CDH13: variants seen among roughly 807,000 people sequenced by gnomAD.
CDH13 encodes the protein cadherin-13.
In CDH13, 24 loss-of-function variants were observed where a neutral mutation model predicts 63.8. The observed-to-expected ratio is 0.38, with a 90% confidence interval of 0.27 to 0.53. The LOEUF is 0.53. Among genes scored for constraint, CDH13 ranks in the 20% least tolerant of loss-of-function variants. The pLI is 0.85. For synonymous variants in CDH13, 503 were observed against 355.3 expected, an observed-to-expected ratio of 1.42 and a Z score of -4.67; for missense variants, 1,049 against 903.1, an observed-to-expected ratio of 1.16 and a Z score of -2.07.
intron 8 of CDH13, among the ~76,000 whole-genome samples, chr16:83,636,686 G>A (rs1406153165): frequency 6.6e-6 from 1 of 152,208 alleles, no homozygotes; most frequent in African/African-American, 2.4e-5. Context: ...TTTGTTGCAT[G>A]TCTTTGCTGT....
intron 2 of CDH13, among the ~76,000 whole-genome samples, chr16:82,960,615 A>C (rs28452843): frequency 0.017 from 2,589 of 152,278 alleles, 76 homozygotes; most frequent in African/African-American, 0.058. Flanking sequence ...CTTCACAAAC[A>C]AAATAGCACC....
chr16:82,983,802 G>T (rs77250185), intron 2 of CDH13, among the ~76,000 whole-genome samples: 3,192 of 152,254 alleles, frequency 0.021, 47 homozygotes, highest in South Asian at 0.035. Context: ...CCACTTCATA[G>T]GATATTTCAC....
rs1309083530 is a variant in CDH13 at position 83,031,350 on chromosome 16, TG to T, written c.158-658del. Among the ~76,000 whole-genome samples the T allele has an allele frequency of 3.3e-4, 45 of 136,630 alleles. 3 individuals are homozygous for T. Among genetic ancestry groups the T allele is most frequent in the African/African-American group, 6.5e-4 (25 of 38,178 alleles). The allele number at this position is 136,630 out of a possible 152,430, so 89.6% of individuals were successfully genotyped here. On this transcript the variant is annotated intron_variant, in intron 2 of 13. Transcript: ENST00000567109. ...ATATATGTATATGTATACACGTATA[TG>T]GTATATACATGTACATGTATATGTA...
chr16:82,907,320 A>G (rs2041682452), intron 2 of CDH13, among the ~76,000 whole-genome samples: 1 of 152,020 alleles, frequency 6.6e-6, no homozygotes, highest in Non-Finnish European at 1.5e-5. Flanking sequence ...ACCCCTCACT[A>G]GGCTCCCGGA....
chr16:83,298,583 A>G (rs985635337), intron 5 of CDH13, among the ~76,000 whole-genome samples: 1 of 152,216 alleles, frequency 6.6e-6, no homozygotes, highest in Non-Finnish European at 1.5e-5. Flanking sequence ...CTAAGCACTT[A>G]AAAACTCCAA....
intron 5 of CDH13, among the ~76,000 whole-genome samples, chr16:83,244,594 A>C (rs937841150): frequency 1.3e-5 from 2 of 152,068 alleles, no homozygotes; most frequent in Non-Finnish European, 2.9e-5. Flanking sequence ...TTGGTCCCCA[A>C]CACCACCCTC....
rs7195558 is a variant in CDH13, at chr16:83,103,466, G to C, written c.367-21919G>C. Among the ~76,000 whole-genome samples, 244 of 149,066 alleles carry C rather than the reference G, an allele frequency of 1.6e-3. 2 individuals are homozygous for C. Among genetic ancestry groups the C allele is most frequent in the African/African-American group, 5.5e-3 (222 of 40,392 alleles). On this transcript the variant is annotated intron_variant, in intron 3 of 13. Transcript: ENST00000567109. ...TCACCATGTTGGCCAGGCTGGTGTC[G>C]AACTCCTGACCTCAAGTGATCCACC...
intron 9 of CDH13, among the ~76,000 whole-genome samples, chr16:83,677,041 G>A (rs146964751): frequency 1.4e-4 from 22 of 152,198 alleles, no homozygotes; most frequent in East Asian, 9.7e-4. Context: ...TACCCATTAC[G>A]GCATGGGTCT....
At chr16:83,415,822 C>G (rs2092192582) in intron 6 of CDH13, among the ~76,000 whole-genome samples, 2 of 152,098 alleles carry the variant, frequency 1.3e-5, no homozygotes, top group South Asian at 4.1e-4. Flanking sequence ...AAACTAAAAG[C>G]TTACCTTCTA....
intron 1 of CDH13, among the ~76,000 whole-genome samples, chr16:82,822,623 T>C (rs2038057121): frequency 1.3e-5 from 2 of 152,180 alleles, no homozygotes; most frequent in Non-Finnish European, 2.9e-5. Flanking sequence ...GCCTTCTGAA[T>C]AGCTGAGACT....
intron 10 of CDH13, among the ~76,000 whole-genome samples, chr16:83,729,418 A>C (rs1319246126): frequency 1.3e-5 from 2 of 152,214 alleles, no homozygotes; most frequent in Non-Finnish European, 2.9e-5. Context: ...TTTATTTGCA[A>C]AACAAATATA....
In CDH13 at chr16:82,966,809, G is replaced by A. The variant is rs190273840; in HGVS notation, c.158-65201G>A. Among the ~76,000 whole-genome samples the A allele has an allele frequency of 7.6e-4, 115 of 152,262 alleles. 1 individual carries two copies. Among genetic ancestry groups the A allele is most frequent in the African/African-American group, 2.7e-3 (111 of 41,534 alleles). On this transcript the variant is annotated intron_variant, in intron 2 of 13. Coordinates refer to ENST00000567109, the MANE Select transcript of CDH13 (RefSeq NM_001257.5). ...TGCCCCTTTTCCCCTCATCTTCAGT[G>A]TGATATTTCCCAAAAACAAGGATGT...
intron 3 of CDH13, among the ~76,000 whole-genome samples, chr16:83,096,812 G>A (rs1280507110): frequency 6.6e-6 from 1 of 152,130 alleles, no homozygotes; most frequent in Non-Finnish European, 1.5e-5. Context: ...TGTTCAGTTT[G>A]CACTTAAAAA....
At chr16:82,956,941 G>A (rs557512093) in intron 2 of CDH13, among the ~76,000 whole-genome samples, 22 of 152,276 alleles carry the variant, frequency 1.4e-4, no homozygotes, top group Non-Finnish European at 2.8e-4. Flanking sequence ...TGACATGGTG[G>A]CCCCACTGTG....
chr16:83,018,121 C>A (rs1422606288), intron 2 of CDH13, among the ~76,000 whole-genome samples: 1 of 152,166 alleles, frequency 6.6e-6, no homozygotes, highest in South Asian at 2.1e-4. Flanking sequence ...AGTTCAAACC[C>A]CAGTTCTACA....
chr16:83,083,595 C>G (rs1050860195), intron 3 of CDH13, among the ~76,000 whole-genome samples: 3 of 152,176 alleles, frequency 2.0e-5, no homozygotes, highest in Admixed American at 2.0e-4. Context: ...CTCTAGTACT[C>G]TATGCTGCCT....
intron 6 of CDH13, among the ~76,000 whole-genome samples, chr16:83,348,363 A>T (rs918139359): frequency 6.6e-6 from 1 of 152,212 alleles, no homozygotes; most frequent in Non-Finnish European, 1.5e-5. Context: ...TGAAATAGCC[A>T]GGCCCATTGA....
At chr16:83,791,135 T>G (rs1471736858) in intron 13 of CDH13, among the ~76,000 whole-genome samples, 1 of 151,674 alleles carries the variant, frequency 6.6e-6, no homozygotes, top group Non-Finnish European at 1.5e-5. Flanking sequence ...CTAGGCAAGA[T>G]AGTGAGACCC....
In CDH13 at chr16:83,359,009, T is replaced by C. The variant is rs535408815; in HGVS notation, c.781+14003T>C. Among the ~76,000 whole-genome samples, 15 of 152,300 alleles carry C rather than the reference T, an allele frequency of 9.8e-5. No homozygotes were observed. In the East Asian group the frequency reaches 2.9e-3, roughly 29 times the overall value. On this transcript the variant is annotated intron_variant, in intron 6 of 13. Coordinates refer to ENST00000567109, the MANE Select transcript of CDH13 (RefSeq NM_001257.5). ...CTGCCATTTATGTCAGTGTGCTGGC[T>C]TCGTGTCCACATTCCAGGGGCCAGA...
Sources: allele counts gnomAD v4.1 joint callset (sites outside exome capture counted in the v4.1 genomes callset), GRCh38; gene constraint gnomAD v4.1.1; transcripts MANE v1.5; gene names NCBI Gene and HGNC (gene_info 2026-07-23, HGNC 2026-07-21).